The following BBX variants were observed in gnomAD, a reference collection of about 807,000 sequenced individuals.
BBX encodes the protein HMG box transcription factor BBX.
In BBX, 30 loss-of-function variants were observed where a neutral mutation model predicts 100.2. The ratio of observed to expected loss-of-function variants is 0.30; its 90% CI spans 0.22 to 0.41. BBX has a LOEUF of 0.41. Among genes scored for constraint, BBX ranks in the 10% least tolerant of loss-of-function variants. BBX has a pLI of 1.00. For synonymous variants in BBX, 376 were observed against 388.1 expected, an observed-to-expected ratio of 0.97 and a Z score of 0.37; for missense variants, 1,023 against 1,129.8, an observed-to-expected ratio of 0.91 and a Z score of 1.35.
intron 2 of BBX, among the ~76,000 whole-genome samples, chr3:107,607,173 T>C (rs2054510685): frequency 6.6e-6 from 1 of 152,180 alleles, no homozygotes; most frequent in Non-Finnish European, 1.5e-5. Context: ...GTCGGCTCAC[T>C]GCAACCTCCA....
intron 10 of BBX, among the ~76,000 whole-genome samples, chr3:107,758,527 G>A (rs764608029): frequency 2.0e-5 from 3 of 152,096 alleles, no homozygotes; most frequent in East Asian, 1.9e-4. Flanking sequence ...GCCTTTGCTC[G>A]GGACCTCTGA....
rs114898619 is a variant in BBX at position 107,603,363 on chromosome 3, C to G, written c.-83-42473C>G. 2.6e-3 allele frequency among the ~76,000 whole-genome samples: 400 copies of G among 151,752 alleles called. 1 individual carries two copies. Among genetic ancestry groups the G allele is most frequent in the Non-Finnish European group, 3.8e-3 (261 of 67,880 alleles). On this transcript the variant is annotated intron_variant, in intron 2 of 17. Coordinates refer to ENST00000325805, the MANE Select transcript of BBX (RefSeq NM_001142568.3). ...AGGAAGAGTCAATGCATTAAACTTT[C>G]TTGTCATCTTATTTTTTATTTATTT... is the stretch of plus-strand genomic sequence containing the variant.
At position 107,810,572 on chromosome 3, in the gene BBX, C is replaced by T. The variant is rs1191645041; in HGVS notation, c.*5115C>T. On this transcript the variant is annotated 3_prime_UTR_variant, in exon 18 of 18. Coordinates refer to ENST00000325805, the MANE Select transcript of BBX (RefSeq NM_001142568.3). ...ATGTTTCATGCATTAACACTGATTTCGCTCTGTGGCCCACCAGAGGGGTGG... is the reference window on the plus strand; with the variant it reads ...ATGTTTCATGCATTAACACTGATTTTGCTCTGTGGCCCACCAGAGGGGTGG... 2 of 152,322 alleles carry T rather than the reference C, an allele frequency of 1.3e-5. No homozygotes were observed. Among genetic ancestry groups the T allele is most frequent in the African/African-American group, 2.4e-5 (1 of 41,570 alleles). 9.4% of individuals were successfully genotyped at this position (152,322 alleles called of 1,614,324 possible). A position where few individuals can be genotyped will look rare whatever the true frequency, so the allele number is the denominator to read the frequency against.
At chr3:107,796,551 G>A (rs2069692762) in intron 15 of BBX, among the ~76,000 whole-genome samples, 1 of 152,216 alleles carries the variant, frequency 6.6e-6, no homozygotes, top group Non-Finnish European at 1.5e-5. Context: ...CGAAGCTTAT[G>A]AATGTGCAAT....
chr3:107,573,763 G>T (rs527391034), intron 2 of BBX, among the ~76,000 whole-genome samples: 2 of 152,088 alleles, frequency 1.3e-5, no homozygotes, highest in African/African-American at 4.8e-5. Context: ...TTTCGCTCTT[G>T]TTGCCCAGGC....
chr3:107,606,504 A>C (rs763014006), intron 2 of BBX, among the ~76,000 whole-genome samples: 1 of 152,174 alleles, frequency 6.6e-6, no homozygotes, highest in African/African-American at 2.4e-5. Flanking sequence ...TAATAATACC[A>C]TGTGATGCGA....
At chr3:107,754,316 G>A (rs768390361) in intron 9 of BBX, among the ~76,000 whole-genome samples, 7 of 152,166 alleles carry the variant, frequency 4.6e-5, no homozygotes, top group Non-Finnish European at 1.0e-4. Context: ...TCTAGAAAAG[G>A]TAGAAGTAGC....
chr3:107,716,510 G>A, intron 4 of BBX, 97 bp from the exon 5 acceptor site: 3 of 1,437,886 alleles, frequency 2.1e-6, no homozygotes, highest in East Asian at 2.3e-5. Flanking sequence ...TTTAAATGGA[G>A]CTAAGAAAAA....
rs372770607 is a variant in BBX at position 107,712,678 on chromosome 3, C to T, written c.162+2056C>T. Among the ~76,000 whole-genome samples the T allele has an allele frequency of 1.2e-4, 19 of 152,292 alleles. No homozygotes were observed. In the East Asian group the frequency reaches 2.3e-3, roughly 19 times the overall value. Reference sequence around the variant, plus strand: ...TTATTGTATCTACCTCCCTCTCTCCCGGCCTCTGCTCTTGCCCTCCTGCAG... The same window carrying T: ...TTATTGTATCTACCTCCCTCTCTCCTGGCCTCTGCTCTTGCCCTCCTGCAG... On this transcript the variant is annotated intron_variant, in intron 4 of 17. Transcript: ENST00000325805.
At chr3:107,654,581 C>G (rs1204578877) in intron 3 of BBX, among the ~76,000 whole-genome samples, 3 of 152,174 alleles carry the variant, frequency 2.0e-5, no homozygotes, top group Non-Finnish European at 4.4e-5. Context: ...CTCCAAAATG[C>G]TCACTATTGA....
At chr3:107,526,455 G>C (rs1472622928) in intron 2 of BBX, 57 bp downstream of exon 2, 3 of 398,100 alleles carry the variant, frequency 7.5e-6, no homozygotes, top group Non-Finnish European at 1.3e-5. Flanking sequence ...AATGACATAA[G>C]GGTCTTTATT....
At position 107,584,748 on chromosome 3, in the gene BBX, G is replaced by C. The variant is rs975370467; in HGVS notation, c.-84+58350G>C. ...CTCTTGTTGCCCAGGCTGGAGTGCA[G>C]TGGCACGATCTCAGCTCATTGCAAC... On this transcript the variant is annotated intron_variant, in intron 2 of 17. Transcript: ENST00000325805. Among the ~76,000 whole-genome samples the C allele has an allele frequency of 3.9e-5, 5 of 128,860 alleles. No homozygotes were observed. The East Asian group carries it at 9.4e-4, about 24-fold the overall frequency. 84.5% of individuals were successfully genotyped at this position (128,860 alleles called of 152,430 possible).
intron 2 of BBX, among the ~76,000 whole-genome samples, chr3:107,544,841 TAA>T (rs71764209): frequency 7.0e-5 from 7 of 99,344 alleles, no homozygotes; most frequent in Admixed American, 1.1e-4. Context: ...CTGTCTCTAC[TAA>T]AAAAAAAAAA....
chr3:107,618,702 T>C (rs573000775), intron 2 of BBX, among the ~76,000 whole-genome samples: 8 of 152,200 alleles, frequency 5.3e-5, no homozygotes, highest in Admixed American at 4.6e-4. Context: ...ATTTTCCTGT[T>C]TTCTTTCTGT....
intron 2 of BBX, among the ~76,000 whole-genome samples, chr3:107,539,673 A>G (rs538118361): frequency 6.6e-6 from 1 of 152,348 alleles, no homozygotes; most frequent in South Asian, 2.1e-4. Flanking sequence ...TATATATACT[A>G]GGCTATTAAT....
intron 6 of BBX, 62 bp from the exon 7 acceptor site, chr3:107,732,894 G>A (rs370402912): frequency 4.5e-6 from 6 of 1,346,964 alleles, no homozygotes; most frequent in Non-Finnish European, 6.3e-6. Flanking sequence ...TATTCTTTTT[G>A]ACTCTGTGGA....
chr3:107,582,078 C>G (rs1449981793), intron 2 of BBX, among the ~76,000 whole-genome samples: 1 of 151,866 alleles, frequency 6.6e-6, no homozygotes, highest in Non-Finnish European at 1.5e-5. Flanking sequence ...GTTATTTCTT[C>G]TTAGCTTGCT....
At chr3:107,656,037 A>G (rs1011418366) in intron 3 of BBX, among the ~76,000 whole-genome samples, 3 of 152,304 alleles carry the variant, frequency 2.0e-5, no homozygotes, top group African/African-American at 7.2e-5. Flanking sequence ...ACTGATAACT[A>G]TATAAATATT....
At chr3:107,719,672 C>T (rs1220309820) in intron 5 of BBX, among the ~76,000 whole-genome samples, 2 of 152,044 alleles carry the variant, frequency 1.3e-5, no homozygotes, top group Non-Finnish European at 2.9e-5. Flanking sequence ...TCTAAGAATA[C>T]AACCTGGGTT....
Sources: gnomAD v4.1 joint callset for allele counts (sites outside exome capture counted in the v4.1 genomes callset) on GRCh38, gnomAD v4.1.1 for gene constraint, MANE v1.5 for transcripts, NCBI Gene and HGNC (gene_info 2026-07-23, HGNC 2026-07-21) for gene names.